Variants in CDYL2 observed in about 807,000 individuals in gnomAD.
CDYL2 encodes the protein chromodomain Y like 2.
CDYL2 carries 23 observed loss-of-function variants against 49.4 expected under a neutral mutation model. That is an observed-to-expected ratio of 0.47 (90% CI 0.34 to 0.66). CDYL2 has a LOEUF of 0.66. Among genes scored for constraint, CDYL2 ranks in the 30% least tolerant of loss-of-function variants. The pLI, the probability that CDYL2 is intolerant of heterozygous loss-of-function variation, is 0.01. For synonymous variants in CDYL2, 360 were observed against 268.8 expected, an observed-to-expected ratio of 1.34 and a Z score of -3.32; for missense variants, 678 against 656.4, an observed-to-expected ratio of 1.03 and a Z score of -0.36.
At chr16:80,788,425 T>C (rs1234714248) in intron 1 of CDYL2, among the ~76,000 whole-genome samples, 1 of 152,214 alleles carries the variant, frequency 6.6e-6, no homozygotes, top group Non-Finnish European at 1.5e-5. Flanking sequence ...GTGCAATCCC[T>C]CTCTTGAACA....
intron 2 of CDYL2, among the ~76,000 whole-genome samples, chr16:80,636,868 C>G (rs60851276): frequency 0.06 from 9,068 of 152,192 alleles, 837 homozygotes; most frequent in African/African-American, 0.2. Context: ...GAATACTATG[C>G]AGCCATAAAA....
At chr16:80,636,646 C>T (rs186145215) in intron 2 of CDYL2, among the ~76,000 whole-genome samples, 8 of 152,254 alleles carry the variant, frequency 5.3e-5, no homozygotes, top group South Asian at 4.1e-4. Context: ...GACAGTGTGG[C>T]GATTCCTCAA....
intron 2 of CDYL2, among the ~76,000 whole-genome samples, chr16:80,644,729 C>G (rs1908257875): frequency 6.6e-6 from 1 of 152,174 alleles, no homozygotes; most frequent in African/African-American, 2.4e-5. Flanking sequence ...CAAATTATGA[C>G]TTCAAACTAT....
chr16:80,654,656 A>C (rs1243699912), intron 2 of CDYL2, among the ~76,000 whole-genome samples: 1 of 152,178 alleles, frequency 6.6e-6, no homozygotes, highest in Admixed American at 6.5e-5. Flanking sequence ...ACCAGGCCTA[A>C]GGCAGGGACC....
At chr16:80,720,197 GCCCTTCTTCCAGTTC>G (rs1343580955) in intron 1 of CDYL2, among the ~76,000 whole-genome samples, 2 of 152,084 alleles carry the variant, frequency 1.3e-5, no homozygotes, top group Non-Finnish European at 2.9e-5. Flanking sequence ...TGCTCAGAGG[GCCCTTCTTCCAGTTC>G]CCCTCATGAC....
At chr16:80,748,506 TAAAAAAAAAAAAAAAAA>T (rs538432449) in intron 1 of CDYL2, among the ~76,000 whole-genome samples, 31 of 19,142 alleles carry the variant, frequency 1.6e-3, no homozygotes, top group South Asian at 5.4e-3. Context: ...AAAACTCCAT[TAAAAAAAAAAAAAAAAA>T]AAAAAAAAAA....
chr16:80,724,089 G>C lies in CDYL2; in HGVS notation c.25-38960C>G, dbSNP rs537580167. Among the ~76,000 whole-genome samples, 3 of 149,244 alleles carry C rather than the reference G, an allele frequency of 2.0e-5. No individual in the cohort carries two copies. In the South Asian group the frequency reaches 6.4e-4, roughly 32 times the overall value. ...AAGAAGGAAGAGGAGGAAAAGAGGA[G>C]AGGAAGGAAAAAGAAGAGGAAGAGA... On this transcript the variant is annotated intron_variant, in intron 1 of 6. Transcript: ENST00000570137.
In CDYL2 at chr16:80,597,933, G is replaced by C. The variant is rs1438729124; in HGVS notation, c.*6455C>G. On this transcript the variant is annotated 3_prime_UTR_variant, in exon 7 of 7. Transcript: ENST00000570137. ...AGTTTCAACCTTTTTATTCAAAGCA[G>C]CTTCTCACAATGTATAAATACTGCA... 9.9e-5 allele frequency: 15 copies of C among 152,282 alleles called. No homozygotes were observed. The East Asian group carries it at 2.9e-3, about 29-fold the overall frequency. 9.4% of individuals were successfully genotyped at this position (152,282 alleles called of 1,614,324 possible).
At chr16:80,633,263 G>C (rs371017330) in intron 2 of CDYL2, 27 bp from the exon 3 acceptor site, 12 of 1,600,574 alleles carry the variant, frequency 7.5e-6, no homozygotes, top group Non-Finnish European at 9.4e-6. Flanking sequence ...AACAATGTAA[G>C]AAACTGAAAT....
chr16:80,773,435 G>A (rs1485187217), intron 1 of CDYL2, among the ~76,000 whole-genome samples: 3 of 151,980 alleles, frequency 2.0e-5, no homozygotes, highest in East Asian at 3.9e-4. Context: ...GACCAAAAAC[G>A]CAGCAAGGTT....
intron 3 of CDYL2, among the ~76,000 whole-genome samples, chr16:80,622,143 T>C (rs922565835): frequency 6.6e-6 from 1 of 152,176 alleles, no homozygotes; most frequent in African/African-American, 2.4e-5. Context: ...ATTCCCACTA[T>C]CTGGCCATGG....
chr16:80,633,911 C>G (rs73583636), intron 2 of CDYL2, among the ~76,000 whole-genome samples: 8,044 of 152,244 alleles, frequency 0.053, 639 homozygotes, highest in African/African-American at 0.17. Flanking sequence ...ACAGAATGAT[C>G]CAGATGTATA....
Position 80,612,508 on chromosome 16 carries a change from C to T in CDYL2, c.1218+118G>A. The T allele has an allele frequency of 9.6e-7, 1 of 1,039,512 alleles. No individual in the cohort carries two copies. The highest frequency in any genetic ancestry group is 1.4e-6 in the Non-Finnish European group (1 of 714,072). 64.4% of individuals were successfully genotyped at this position (1,039,512 alleles called of 1,614,324 possible). A position where few individuals can be genotyped will look rare whatever the true frequency, so the allele number is the denominator to read the frequency against. The stretch of plus-strand genomic sequence containing the variant: ...GAAGGTGTGAAGGACATGAGGCAGC[C>T]AAGCCAATCTGCAGGCTGACAACAC... On this transcript the variant is annotated intron_variant, in intron 5 of 6. Coordinates refer to ENST00000570137, the MANE Select transcript of CDYL2 (RefSeq NM_152342.4). This position sits in a 1 kb window ranked among gnomAD's most constrained non-coding sequence, Gnocchi z 5.0.
chr16:80,611,017 C>T (rs1207496005), intron 5 of CDYL2, among the ~76,000 whole-genome samples: 2 of 152,190 alleles, frequency 1.3e-5, no homozygotes, highest in African/African-American at 4.8e-5. Flanking sequence ...CAGGCCCCAG[C>T]CACACTGACC....
chr16:80,725,285 T>TTCCCTGACA (rs776324110), intron 1 of CDYL2, among the ~76,000 whole-genome samples: 2 of 152,206 alleles, frequency 1.3e-5, no homozygotes, highest in African/African-American at 4.8e-5. Context: ...TTGGAGCATC[T>TTCCCTGACA]TCCCTGACAT....
At chr16:80,741,586 C>A (rs546942667) in intron 1 of CDYL2, among the ~76,000 whole-genome samples, 1 of 151,250 alleles carries the variant, frequency 6.6e-6, no homozygotes, top group Non-Finnish European at 1.5e-5. Flanking sequence ...GAAAAGGTCA[C>A]GAAAAAGAAG....
At chr16:80,643,567 CG>C (rs1314261566) in intron 2 of CDYL2, among the ~76,000 whole-genome samples, 1 of 152,246 alleles carries the variant, frequency 6.6e-6, no homozygotes, top group African/African-American at 2.4e-5. Flanking sequence ...AGCAAACCTG[CG>C]TGGGTATCCA....
At chr16:80,801,067 C>G (rs1233433497) in intron 1 of CDYL2, among the ~76,000 whole-genome samples, 1 of 152,232 alleles carries the variant, frequency 6.6e-6, no homozygotes, top group East Asian at 1.9e-4. Context: ...CGTATGCAGC[C>G]TAGACCTGGC....
chr16:80,638,943 CT>C (rs1287274281), intron 2 of CDYL2, among the ~76,000 whole-genome samples: 2 of 152,040 alleles, frequency 1.3e-5, no homozygotes, highest in African/African-American at 4.8e-5. Context: ...ACATAAGACA[CT>C]AAAAACATGA....
Sources: allele counts gnomAD v4.1 joint callset (sites outside exome capture counted in the v4.1 genomes callset), GRCh38; gene constraint gnomAD v4.1.1; non-coding constraint Gnocchi (gnomAD v3.1); transcripts MANE v1.5; gene names NCBI Gene and HGNC (gene_info 2026-07-23, HGNC 2026-07-21).